Variants in BCAS3 observed in about 807,000 individuals in gnomAD.
BCAS3 encodes BCAS4/BCAS3 fusion.
BCAS3 carries 53 observed loss-of-function variants against 116.1 expected under a neutral mutation model. That is an observed-to-expected ratio of 0.46 (90% CI 0.37 to 0.57). The LOEUF (loss-of-function observed/expected upper bound fraction) is 0.57, where lower values mean the gene tolerates loss of function less well. Among genes scored for constraint, BCAS3 ranks in the 20% least tolerant of loss-of-function variants. The probability of loss-of-function intolerance (pLI) is 0.00; values close to 1 mark genes in which losing one functional copy is unlikely to be tolerated. For synonymous variants in BCAS3, 391 were observed against 408.2 expected, an observed-to-expected ratio of 0.96 and a Z score of 0.51; for missense variants, 917 against 1,165.4, an observed-to-expected ratio of 0.79 and a Z score of 3.10.
intron 23 of BCAS3, among the ~76,000 whole-genome samples, chr17:61,386,800 T>G (rs1456178079): frequency 2.8e-5 from 4 of 142,110 alleles, no homozygotes; most frequent in African/African-American, 1.1e-4. Context: ...TTTTTTGTTT[T>G]TTTTTTTTTT....
In BCAS3 at chr17:61,356,153, C is replaced by A. The variant is rs1333857976; in HGVS notation, c.2426-12174C>A. Among the ~76,000 whole-genome samples, 1 of 152,184 alleles carries A rather than the reference C, an allele frequency of 6.6e-6. No individual in the cohort carries two copies. The highest frequency in any genetic ancestry group is 1.5e-5 in the Non-Finnish European group (1 of 68,028). On this transcript the variant is annotated intron_variant, in intron 22 of 23. Transcript: ENST00000407086. The surrounding 1 kb of genome is among the most constrained non-coding windows in gnomAD (Gnocchi z 5.4). The stretch of plus-strand genomic sequence containing the variant: ...GGGATTACAGGCGCCTGCCATCATG[C>A]CCGGCTGATTTTTGTATTTTTGTAG...
intron 6 of BCAS3, among the ~76,000 whole-genome samples, chr17:60,778,536 C>T (rs117175960): frequency 0.034 from 5,106 of 152,142 alleles, 107 homozygotes; most frequent in Non-Finnish European, 0.049. Context: ...AGTGGAAATC[C>T]ATGCACACAT....
At position 60,993,307 on chromosome 17, in the gene BCAS3, G is replaced by C. The variant is rs2063647022; in HGVS notation, c.1486+3072G>C. 6.6e-6 allele frequency among the ~76,000 whole-genome samples: 1 copy of C among 152,168 alleles called. No homozygotes were observed. The highest frequency in any genetic ancestry group is 1.5e-5 in the Non-Finnish European group (1 of 68,032). Reference sequence around the variant, plus strand: ...CAGTAGTTAAAGAGCAATACTACTAGATTTCCAAGTCAAAATATATTGTTT... The same window carrying C: ...CAGTAGTTAAAGAGCAATACTACTACATTTCCAAGTCAAAATATATTGTTT... On this transcript the variant is annotated intron_variant, in intron 15 of 23. Coordinates refer to ENST00000407086, the MANE Select transcript of BCAS3 (RefSeq NM_017679.5). The surrounding 1 kb of genome is among the most constrained non-coding windows in gnomAD (Gnocchi z 4.2).
chr17:60,750,082 G>A (rs895097812), intron 6 of BCAS3, among the ~76,000 whole-genome samples: 1 of 151,864 alleles, frequency 6.6e-6, no homozygotes, highest in African/African-American at 2.4e-5. Flanking sequence ...CAGGAGAATT[G>A]TTTGAACTTG....
intron 10 of BCAS3, among the ~76,000 whole-genome samples, chr17:60,902,145 C>T (rs2057939380): frequency 6.6e-6 from 1 of 152,146 alleles, no homozygotes. Context: ...AATGCTTTTC[C>T]ACTGACACAA....
intron 14 of BCAS3, 67 bp from the exon 15 acceptor site, chr17:60,989,904 T>C: frequency 1.3e-6 from 2 of 1,505,840 alleles, no homozygotes; most frequent in East Asian, 2.3e-5. Flanking sequence ...TTTGGTGATG[T>C]GTGATACTCT....
At position 60,912,128 on chromosome 17, in the gene BCAS3, C is replaced by T. The variant is rs182834848; in HGVS notation, c.993+1426C>T. ...TGTCATAGTCTTCATTTTAAATATA[C>T]GTTTCTTAAAGGAAGGTAATTTTTT... On this transcript the variant is annotated intron_variant, in intron 12 of 23. Transcript: ENST00000407086. Among the ~76,000 whole-genome samples, 471 of 151,972 alleles carry T rather than the reference C, an allele frequency of 3.1e-3. 4 individuals carry two copies. Among genetic ancestry groups the T allele is most frequent in the African/African-American group, 0.011 (445 of 41,480 alleles).
At chr17:60,699,281 C>T (rs949066910) in intron 4 of BCAS3, among the ~76,000 whole-genome samples, 5 of 152,128 alleles carry the variant, frequency 3.3e-5, no homozygotes, top group Non-Finnish European at 7.3e-5. Flanking sequence ...GTGACACAAT[C>T]TTGACTCACT....
At chr17:60,824,024 A>G (rs908438397) in intron 7 of BCAS3, among the ~76,000 whole-genome samples, 9 of 152,318 alleles carry the variant, frequency 5.9e-5, no homozygotes, top group Non-Finnish European at 1.0e-4. Flanking sequence ...GCCCCTTACA[A>G]TTAAGTCACT....
chr17:61,035,665 A>G (rs746719091), intron 17 of BCAS3, among the ~76,000 whole-genome samples: 2 of 151,764 alleles, frequency 1.3e-5, no homozygotes, highest in African/African-American at 4.8e-5. Context: ...GCTCCTTTGA[A>G]TTAATATACA....
At chr17:60,773,170 A>G (rs8080709) in intron 6 of BCAS3, among the ~76,000 whole-genome samples, 141,478 of 152,192 alleles carry the variant, frequency 0.93, 65,875 homozygotes, top group East Asian at 1. Flanking sequence ...GCTGTGCATT[A>G]GTATCTTGTT....
At chr17:60,684,267 G>T (rs1394044203) in intron 3 of BCAS3, among the ~76,000 whole-genome samples, 3 of 152,128 alleles carry the variant, frequency 2.0e-5, no homozygotes, top group African/African-American at 7.2e-5. Context: ...AAGAATCAAG[G>T]TGAATTGTTA....
chr17:60,758,928 C>A (rs898083257), intron 6 of BCAS3, among the ~76,000 whole-genome samples: 1 of 151,482 alleles, frequency 6.6e-6, no homozygotes, highest in Non-Finnish European at 1.5e-5. Context: ...GTATAGTTTA[C>A]AAAATTCATT....
chr17:61,226,315 G>A lies in BCAS3; in HGVS notation c.2425+141751G>A, dbSNP rs986166982. 5.9e-5 allele frequency among the ~76,000 whole-genome samples: 9 copies of A among 152,102 alleles called. No homozygotes were observed. The highest frequency in any genetic ancestry group is 2.2e-4 in the African/African-American group (9 of 41,426). On this transcript the variant is annotated intron_variant, in intron 22 of 23. Coordinates refer to ENST00000407086, the MANE Select transcript of BCAS3 (RefSeq NM_017679.5). This position sits in a 1 kb window ranked among gnomAD's most constrained non-coding sequence, Gnocchi z 6.0. ...TTGTTTTGTGATACCTAATTTTCAG[G>A]TAAGCCCAGCTGGTCTAAAAAGATT...
At chr17:61,297,625 A>G (rs755637367) in intron 22 of BCAS3, among the ~76,000 whole-genome samples, 3 of 152,200 alleles carry the variant, frequency 2.0e-5, no homozygotes, top group Non-Finnish European at 4.4e-5. Context: ...GAGAAAGCCA[A>G]GCCCAGGTGT....
chr17:60,708,941 A>G (rs2037519170), intron 4 of BCAS3, among the ~76,000 whole-genome samples: 1 of 151,288 alleles, frequency 6.6e-6, no homozygotes, highest in African/African-American at 2.4e-5. Flanking sequence ...TTATAGGTGT[A>G]AGCCACCATG....
rs1010677099 is a variant in BCAS3 at position 61,213,503 on chromosome 17, G to A, written c.2425+128939G>A. Among the ~76,000 whole-genome samples, 1 of 152,036 alleles carries A rather than the reference G, an allele frequency of 6.6e-6. No homozygotes were observed. The highest frequency in any genetic ancestry group is 6.5e-5 in the Admixed American group (1 of 15,268). The stretch of plus-strand genomic sequence containing the variant: ...TTTTTATATGAAAAAAGTAAGGCAT[G>A]AAAAGAGTCTTATTATTTGTTTAGT... On this transcript the variant is annotated intron_variant, in intron 22 of 23. Transcript: ENST00000407086. The surrounding 1 kb of genome is among the most constrained non-coding windows in gnomAD (Gnocchi z 5.4).
chr17:60,726,751 T>C (rs113393576), intron 5 of BCAS3, among the ~76,000 whole-genome samples: 18,106 of 151,714 alleles, frequency 0.12, 3,254 homozygotes, highest in African/African-American at 0.39. Flanking sequence ...CCTCGTGATC[T>C]GCCTGCCTCG....
rs2060172449 is a variant in BCAS3 at position 61,392,246 on chromosome 17, A to G, written c.*121A>G. On this transcript the variant is annotated 3_prime_UTR_variant, in exon 24 of 24. Coordinates refer to ENST00000407086, the MANE Select transcript of BCAS3 (RefSeq NM_017679.5). The surrounding 1 kb of genome is among the most constrained non-coding windows in gnomAD (Gnocchi z 6.4). ...TTCATCAACCACCTTCCCCAAGCTT[A>G]GTGACAGCAGCCGCCCATCCTACCT... The G allele has an allele frequency of 8.1e-7, 1 of 1,237,044 alleles. No homozygotes were observed. The highest frequency in any genetic ancestry group is 1.5e-5 in the South Asian group (1 of 66,744). The allele number at this position is 1,237,044 out of a possible 1,614,324, so 76.6% of individuals were successfully genotyped here. A position where few individuals can be genotyped will look rare whatever the true frequency, so the allele number is the denominator to read the frequency against.
Sources: gnomAD v4.1 joint callset for allele counts (sites outside exome capture counted in the v4.1 genomes callset) on GRCh38, gnomAD v4.1.1 for gene constraint, Gnocchi (gnomAD v3.1) non-coding constraint, MANE v1.5 for transcripts, NCBI Gene and HGNC (gene_info 2026-07-23, HGNC 2026-07-21) for gene names.